CHKA: variants seen among roughly 807,000 people sequenced by gnomAD.
CHKA encodes the protein choline kinase alpha.
Under a neutral mutation model 60.1 loss-of-function variants are expected in CHKA, and 34 were observed. That is an observed-to-expected ratio of 0.57 (90% confidence interval 0.43 to 0.75). CHKA has a LOEUF of 0.75. Ranked by LOEUF, CHKA falls within the 30% of genes least tolerant of loss-of-function variation. The probability of loss-of-function intolerance (pLI) is 0.00; values close to 1 mark genes in which losing one functional copy is unlikely to be tolerated. For synonymous variants in CHKA, 217 were observed against 223.1 expected, an observed-to-expected ratio of 0.97 and a Z score of 0.24; for missense variants, 563 against 561.3, an observed-to-expected ratio of 1.00 and a Z score of -0.03.
At chr11:68,084,304 G>GTATA (rs1287357571) in intron 2 of CHKA, among the ~76,000 whole-genome samples, 15 of 139,750 alleles carry the variant, frequency 1.1e-4, no homozygotes, top group African/African-American at 2.9e-4. Flanking sequence ...ACGTATATGT[G>GTATA]TATATACATG....
chr11:68,102,646 G>C (rs1590875160), intron 1 of CHKA, among the ~76,000 whole-genome samples: 2 of 152,122 alleles, frequency 1.3e-5, no homozygotes, highest in Admixed American at 6.6e-5. Context: ...TCTGAGCCAG[G>C]AATTTTTTTT....
chr11:68,054,025 T>G lies in CHKA; in HGVS notation c.1337A>C (p.Asp446Ala). The change falls in exon 12 of 12, where the codon GAT (aspartate) becomes GCT (alanine). Residue 446 changes from aspartate (D) to alanine (A), a missense_variant. By Grantham distance (126) the Asp-to-Ala change is moderately radical. Transcript: ENST00000265689. ...GYMDYAQARFDAYFHQKRKLG... is the reference protein window; with the variant it reads ...GYMDYAQARFAAYFHQKRKLG... ...CTTCCTCTTCTGGTGGAAATAGGCA[T>G]CAAACCTTGCTTGGGCGTAGTCCTA... is the stretch of plus-strand genomic sequence containing the variant. 1 of 1,613,492 alleles carries G rather than the reference T, an allele frequency of 6.2e-7. No individual in the cohort carries two copies. Among genetic ancestry groups the G allele is most frequent in the South Asian group, 1.1e-5 (1 of 90,824 alleles).
intron 1 of CHKA, among the ~76,000 whole-genome samples, chr11:68,099,776 C>T (rs1857642694): frequency 6.6e-6 from 1 of 152,204 alleles, no homozygotes; most frequent in Non-Finnish European, 1.5e-5. Context: ...CTTCCGGTCA[C>T]ATACTCTGGA....
intron 6 of CHKA, among the ~76,000 whole-genome samples, chr11:68,069,311 T>A (rs972909556): frequency 1.1e-4 from 16 of 152,182 alleles, no homozygotes; most frequent in Non-Finnish European, 2.2e-4. Flanking sequence ...CAATTTGACA[T>A]TATTTTATTT....
Position 68,121,198 on chromosome 11 carries a change from G to C in CHKA, c.-21C>G. ...TTCATGCCCGACAGGCGGCCGAGGA[G>C]GCGCGGGCGGCCGCAGCGCGAGAGG... On this transcript the variant is annotated 5_prime_UTR_variant, in exon 1 of 12. Coordinates refer to ENST00000265689, the MANE Select transcript of CHKA (RefSeq NM_001277.3). 1 of 1,157,792 alleles carries C rather than the reference G, an allele frequency of 8.6e-7. No homozygotes were observed. Among genetic ancestry groups the C allele is most frequent in the Non-Finnish European group, 1.1e-6 (1 of 939,306 alleles). The allele number at this position is 1,157,792 out of a possible 1,614,324, so 71.7% of individuals were successfully genotyped here.
chr11:68,057,519 C>A (rs1006306418), intron 11 of CHKA, among the ~76,000 whole-genome samples: 4 of 152,120 alleles, frequency 2.6e-5, no homozygotes, highest in South Asian at 2.1e-4. Context: ...CAAGGTTTCA[C>A]CGTGTTAGCC....
At chr11:68,120,782 C>T in intron 1 of CHKA, 46 bp downstream of exon 1, 1 of 1,062,990 alleles carries the variant, frequency 9.4e-7, no homozygotes, top group South Asian at 3.1e-5. Context: ...GGCCCCGCCC[C>T]GCGTCACCTG....
intron 11 of CHKA, among the ~76,000 whole-genome samples, chr11:68,058,037 G>C (rs933432648): frequency 6.6e-6 from 1 of 152,144 alleles, no homozygotes; most frequent in African/African-American, 2.4e-5. Context: ...CTACAGGCAT[G>C]TGCTACAGAC....
chr11:68,053,761 T>C lies in CHKA; in HGVS notation c.*227A>G, dbSNP rs915098017. On this transcript the variant is annotated 3_prime_UTR_variant, in exon 12 of 12. Coordinates refer to ENST00000265689, the MANE Select transcript of CHKA (RefSeq NM_001277.3). ...TCAGAGATGTTGCACTATTGCACTA[T>C]ATTTCTGCTTCCCGATCTCGTTTCT... 8.0e-6 allele frequency: 4 copies of C among 501,446 alleles called. No individual in the cohort carries two copies. Among genetic ancestry groups the C allele is most frequent in the African/African-American group, 3.9e-5 (2 of 51,604 alleles). 31.1% of individuals were successfully genotyped at this position (501,446 alleles called of 1,614,324 possible). A position where few individuals can be genotyped will look rare whatever the true frequency, so the allele number is the denominator to read the frequency against.
chr11:68,112,955 G>A lies in CHKA; in HGVS notation c.350+7873C>T, dbSNP rs532190386. 2.0e-5 allele frequency among the ~76,000 whole-genome samples: 3 copies of A among 151,804 alleles called. No homozygotes were observed. The South Asian group carries it at 6.3e-4, about 32-fold the overall frequency. On this transcript the variant is annotated intron_variant, in intron 1 of 11. Transcript: ENST00000265689. ...AAATTAGCCGGGCGTGGTGGCAGCCGCCTGTAGTCCCAGCTACTCGGGAGG... is the reference window on the plus strand; with the variant it reads ...AAATTAGCCGGGCGTGGTGGCAGCCACCTGTAGTCCCAGCTACTCGGGAGG...
chr11:68,074,546 C>T (rs1456148718), intron 4 of CHKA, among the ~76,000 whole-genome samples, 171 bp downstream of exon 4: 3 of 152,080 alleles, frequency 2.0e-5, no homozygotes, highest in African/African-American at 7.2e-5. Flanking sequence ...GAAAGAGGTT[C>T]GGATGTAAGT....
intron 11 of CHKA, 45 bp from the exon 12 acceptor site, chr11:68,054,092 C>A: frequency 6.5e-7 from 1 of 1,530,680 alleles, no homozygotes. Context: ...ATCCTGCTGG[C>A]CTGAACCCTG....
rs553258325 is a variant in CHKA at position 68,083,314 on chromosome 11, T to C, written c.463-1857A>G. Among the ~76,000 whole-genome samples the C allele has an allele frequency of 3.6e-4, 55 of 152,290 alleles. 1 individual carries two copies. The highest frequency in any genetic ancestry group is 3.1e-3 in the Admixed American group (48 of 15,294). ...CAAGGAAGCTGGCTGTGGGGTTAAT[T>C]AGAAATGCCCCTTCAAAAGTCCTTG... On this transcript the variant is annotated intron_variant, in intron 2 of 11. Coordinates refer to ENST00000265689, the MANE Select transcript of CHKA (RefSeq NM_001277.3).
intron 1 of CHKA, among the ~76,000 whole-genome samples, chr11:68,116,120 T>C (rs1212922791): frequency 6.6e-6 from 1 of 152,226 alleles, no homozygotes; most frequent in Non-Finnish European, 1.5e-5. Flanking sequence ...ATGGTTTTCT[T>C]TTCACTGTTA....
chr11:68,073,003 T>G (rs562201716), intron 4 of CHKA, among the ~76,000 whole-genome samples: 3 of 152,020 alleles, frequency 2.0e-5, no homozygotes, highest in African/African-American at 7.2e-5. Flanking sequence ...CTCAAAAAAT[T>G]TAATATATAA....
chr11:68,085,091 A>G (rs976730814), intron 2 of CHKA, among the ~76,000 whole-genome samples: 1 of 152,126 alleles, frequency 6.6e-6, no homozygotes, highest in Non-Finnish European at 1.5e-5. Context: ...TTTTGGGCTT[A>G]GTTTTCAAGA....
In CHKA at chr11:68,054,042, G is replaced by A. The variant is rs377195521; in HGVS notation, c.1320C>T (p.Tyr440=). The change falls in exon 12 of 12, where the codon TAC becomes TAT. Residue 440 remains tyrosine (Y), a synonymous_variant. Transcript: ENST00000265689. ...ISSIEFGYMD[Y]AQARFDAYFH... ...AATAGGCATCAAACCTTGCTTGGGC[G>A]TAGTCCTAGGAGACAGCAAAGAGAA... 77 of 1,612,282 alleles carry A rather than the reference G, an allele frequency of 4.8e-5. No individual in the cohort carries two copies. Among genetic ancestry groups the A allele is most frequent in the African/African-American group, 9.3e-5 (7 of 74,894 alleles).
At chr11:68,077,865 G>A (rs1203635297) in intron 3 of CHKA, among the ~76,000 whole-genome samples, 2 of 152,150 alleles carry the variant, frequency 1.3e-5, no homozygotes, top group Non-Finnish European at 2.9e-5. Flanking sequence ...GGGAGCACAG[G>A]GCCATGAGGA....
intron 11 of CHKA, among the ~76,000 whole-genome samples, chr11:68,055,592 C>T (rs994550396): frequency 5.3e-5 from 8 of 152,172 alleles, no homozygotes; most frequent in Non-Finnish European, 8.8e-5. Context: ...CATTTGGGAC[C>T]GTCAGTTCTT....
Sources: gnomAD v4.1 joint callset for allele counts (sites outside exome capture counted in the v4.1 genomes callset) on GRCh38, gnomAD v4.1.1 for gene constraint, MANE v1.5 for transcripts, NCBI Gene and HGNC (gene_info 2026-07-23, HGNC 2026-07-21) for gene names.